Variants in LINGO2 observed in about 807,000 individuals in gnomAD.
LINGO2 encodes the protein leucine-rich repeat and immunoglobulin-like domain-containing nogo receptor-interacting protein 2.
Under a neutral mutation model 30.6 loss-of-function variants are expected in LINGO2, and 14 were observed. The ratio of observed to expected loss-of-function variants is 0.46; its 90% confidence interval spans 0.30 to 0.72. LINGO2 has a LOEUF of 0.72. Among genes scored for constraint, LINGO2 ranks in the 30% least tolerant of loss-of-function variants. The pLI, the probability that LINGO2 is intolerant of heterozygous loss-of-function variation, is 0.07. For synonymous variants in LINGO2, 317 were observed against 288.5 expected (o/e 1.10, Z -1.00); for missense variants, 729 against 751.7 (o/e 0.97, Z 0.35).
intron 4 of LINGO2, among the ~76,000 whole-genome samples, chr9:28,125,933 T>C (rs1323223715): frequency 6.6e-6 from 1 of 152,186 alleles, no homozygotes; most frequent in Non-Finnish European, 1.5e-5. Context: ...CTGGTGAAAA[T>C]TGAGTACCAA....
intron 3 of LINGO2, among the ~76,000 whole-genome samples, chr9:28,351,773 C>A (rs1819905451): frequency 6.6e-6 from 1 of 152,072 alleles, no homozygotes; most frequent in Admixed American, 6.6e-5. Context: ...CAAAACGAAT[C>A]CAGCAGCACA....
chr9:28,413,922 ATAT>A (rs1478652268), intron 2 of LINGO2, among the ~76,000 whole-genome samples: 4 of 152,048 alleles, frequency 2.6e-5, no homozygotes, highest in African/African-American at 4.8e-5. Context: ...AGCAGTATTA[ATAT>A]TATTAAATCA....
At chr9:28,723,063 A>G in the LINGO2 span, among the ~76,000 whole-genome samples, 1 of 152,132 alleles carries the variant, frequency 6.6e-6, no homozygotes, top group Non-Finnish European at 1.5e-5. Flanking sequence ...TTTGAAAGCT[A>G]TCCAGGTGGT....
At chr9:28,979,857 C>T in the LINGO2 span, among the ~76,000 whole-genome samples, 3 of 152,016 alleles carry the variant, frequency 2.0e-5, no homozygotes, top group African/African-American at 7.2e-5. Flanking sequence ...CACATTTCAG[C>T]TCAGGGAAAA....
chr9:28,684,923 G>A, the LINGO2 span, among the ~76,000 whole-genome samples: 23 of 152,122 alleles, frequency 1.5e-4, no homozygotes, highest in Admixed American at 1.2e-3. Context: ...AGATTATTTC[G>A]TCACCCAGGG....
intron 4 of LINGO2, among the ~76,000 whole-genome samples, chr9:28,161,359 TC>T (rs1480141286): frequency 6.6e-6 from 1 of 152,122 alleles, no homozygotes; most frequent in East Asian, 1.9e-4. Flanking sequence ...AATTTTAGTA[TC>T]TTTTTTTAGT....
At chr9:28,255,929 A>T (rs1203675938) in intron 4 of LINGO2, among the ~76,000 whole-genome samples, 1 of 152,110 alleles carries the variant, frequency 6.6e-6, no homozygotes, top group African/African-American at 2.4e-5. Context: ...AAGACAAAGC[A>T]ATAGCTTTTA....
At chr9:28,693,023 A>C in the LINGO2 span, among the ~76,000 whole-genome samples, 1 of 152,074 alleles carries the variant, frequency 6.6e-6, no homozygotes, top group Admixed American at 6.6e-5. Context: ...TATGATGAAA[A>C]AAATTGTCAT....
chr9:28,721,027 T>C, the LINGO2 span, among the ~76,000 whole-genome samples: 432 of 152,126 alleles, frequency 2.8e-3, 4 homozygotes, highest in Middle Eastern at 6.8e-3. Context: ...GAGACACTTA[T>C]CAAAAGAAGA....
At chr9:28,851,613 T>A in the LINGO2 span, among the ~76,000 whole-genome samples, 1 of 152,032 alleles carries the variant, frequency 6.6e-6, no homozygotes, top group Non-Finnish European at 1.5e-5. Context: ...TTGAGTTTAA[T>A]CTATGATCTT....
At chr9:28,118,013 T>C (rs965552710) in intron 4 of LINGO2, among the ~76,000 whole-genome samples, 6 of 150,890 alleles carry the variant, frequency 4.0e-5, no homozygotes, top group African/African-American at 9.8e-5. Context: ...GTCTTACTTA[T>C]AAGTGGGAGC....
At chr9:28,599,506 C>G (rs1402792) in intron 1 of LINGO2, among the ~76,000 whole-genome samples, 61,613 of 151,736 alleles carry the variant, frequency 0.41, 13,274 homozygotes, top group African/African-American at 0.54. Flanking sequence ...GGAAAAATTG[C>G]TTGGTGTTTT....
At chr9:28,740,597 TC>T in the LINGO2 span, among the ~76,000 whole-genome samples, 2 of 152,032 alleles carry the variant, frequency 1.3e-5, no homozygotes, top group African/African-American at 4.8e-5. Context: ...AATTTCTGTT[TC>T]TCTCTTTTTT....
chr9:27,987,061 C>G (rs1254520942), intron 5 of LINGO2, among the ~76,000 whole-genome samples: 3 of 149,166 alleles, frequency 2.0e-5, no homozygotes, highest in Non-Finnish European at 4.5e-5. Flanking sequence ...TGAGTTTCAG[C>G]AAAATTGTTA....
At chr9:29,208,808 C>T in the LINGO2 span, among the ~76,000 whole-genome samples, 1 of 152,058 alleles carries the variant, frequency 6.6e-6, no homozygotes, top group Non-Finnish European at 1.5e-5. Flanking sequence ...ATGAGAAACA[C>T]AGTGGAATTC....
In LINGO2 at chr9:28,106,166, C is replaced by T. The variant is rs116013441; in HGVS notation, c.-86-93761G>A. Among the ~76,000 whole-genome samples, 1,187 of 152,232 alleles carry T rather than the reference C, an allele frequency of 7.8e-3. 10 individuals carry two copies. The highest frequency in any genetic ancestry group is 0.027 in the African/African-American group (1,121 of 41,554). On this transcript the variant is annotated intron_variant, in intron 4 of 5. Coordinates refer to ENST00000379992, the Ensembl canonical transcript of LINGO2. ...TCATTCTGAAAACACCCCCTTACCC[C>T]TCCGAGTCCGTGGAAAAACTGTTTT...
At chr9:28,452,694 G>T (rs1824694545) in intron 2 of LINGO2, among the ~76,000 whole-genome samples, 1 of 151,730 alleles carries the variant, frequency 6.6e-6, no homozygotes, top group South Asian at 2.1e-4. Flanking sequence ...GGTCAAGGAA[G>T]GTTTTAAATA....
At chr9:29,178,129 C>T in the LINGO2 span, among the ~76,000 whole-genome samples, 1 of 151,746 alleles carries the variant, frequency 6.6e-6, no homozygotes, top group African/African-American at 2.4e-5. Flanking sequence ...GATCTTGGCT[C>T]ACTGGAACCT....
the LINGO2 span, among the ~76,000 whole-genome samples, chr9:28,846,080 G>C: frequency 1.2e-4 from 18 of 151,688 alleles, no homozygotes; most frequent in African/African-American, 4.4e-4. Context: ...CATGAGTTTT[G>C]TTCTATCATA....
Sources: gnomAD v4.1 joint callset for allele counts (sites outside exome capture counted in the v4.1 genomes callset) on GRCh38, gnomAD v4.1.1 for gene constraint, MANE v1.5 for transcripts, NCBI Gene and HGNC (gene_info 2026-07-23, HGNC 2026-07-21) for gene names.